Variants in SHC4 observed in about 807,000 individuals in gnomAD.
The protein encoded by SHC4 is SHC adaptor protein 4.
In SHC4, 41 loss-of-function variants were observed where a neutral mutation model predicts 69.4. That is an observed-to-expected ratio of 0.59 (90% CI 0.46 to 0.77). The LOEUF is 0.77. SHC4 is among the 30% of genes least tolerant of loss of function. The pLI is 0.00. For missense variants in SHC4, 777 were observed against 783.8 expected (o/e 0.99, Z 0.10); for synonymous variants, 318 against 299.3 (o/e 1.06, Z -0.64).
intron 9 of SHC4, 32 bp from the exon 10 acceptor site, chr15:48,843,620 G>A (rs1899033980): frequency 1.9e-5 from 29 of 1,564,172 alleles, no homozygotes; most frequent in Non-Finnish European, 2.3e-5. Flanking sequence ...AATACATTAT[G>A]TTTTTTCTTT....
chr15:48,872,062 A>G, intron 5 of SHC4, 27 bp downstream of exon 5: 1 of 1,477,782 alleles, frequency 6.8e-7, no homozygotes. Context: ...TAACTCATAA[A>G]AAGAACTTCT....
intron 9 of SHC4, among the ~76,000 whole-genome samples, chr15:48,846,153 C>T (rs897283712): frequency 6.6e-6 from 1 of 152,058 alleles, no homozygotes; most frequent in Admixed American, 6.6e-5. Context: ...TGTGAGCTAC[C>T]GGGCCTGGCT....
intron 3 of SHC4, among the ~76,000 whole-genome samples, chr15:48,885,220 G>A (rs1239930381): frequency 1.3e-5 from 2 of 152,138 alleles, no homozygotes; most frequent in South Asian, 2.1e-4. Context: ...TACCAACAGG[G>A]GGGCGAGAGG....
chr15:48,919,827 G>A (rs917497246), intron 2 of SHC4, among the ~76,000 whole-genome samples: 1 of 151,892 alleles, frequency 6.6e-6, no homozygotes, highest in Non-Finnish European at 1.5e-5. Context: ...AACACAATCA[G>A]CCATGCCTGA....
intron 1 of SHC4, among the ~76,000 whole-genome samples, chr15:48,933,559 C>T (rs1901011856): frequency 6.6e-6 from 1 of 152,118 alleles, no homozygotes; most frequent in African/African-American, 2.4e-5. Flanking sequence ...CTTCTTTGTA[C>T]AAATTGACAA....
chr15:48,898,067 G>T (rs1359611495), intron 2 of SHC4, among the ~76,000 whole-genome samples: 2 of 152,162 alleles, frequency 1.3e-5, no homozygotes, highest in Non-Finnish European at 2.9e-5. Context: ...AATTCAGACT[G>T]CACATCCATG....
intron 4 of SHC4, among the ~76,000 whole-genome samples, chr15:48,872,580 T>G (rs1309047480): frequency 6.6e-6 from 1 of 152,216 alleles, no homozygotes; most frequent in African/African-American, 2.4e-5. Context: ...AAATCGGAAC[T>G]GAGAACTAAA....
chr15:48,876,794 G>A (rs1186849332), intron 4 of SHC4: 6 of 394,026 alleles, frequency 1.5e-5, no homozygotes, highest in Admixed American at 1.2e-4. Context: ...TCTGCCTTTC[G>A]CAGCCCACTG....
At chr15:48,927,912 C>T (rs188412454) in intron 1 of SHC4, among the ~76,000 whole-genome samples, 169 of 152,250 alleles carry the variant, frequency 1.1e-3, no homozygotes, top group African/African-American at 3.8e-3. Flanking sequence ...CTTTCTATTC[C>T]CTTGGCTATA....
chr15:48,846,040 C>G (rs750832868), intron 9 of SHC4, among the ~76,000 whole-genome samples: 8 of 151,710 alleles, frequency 5.3e-5, no homozygotes, highest in Non-Finnish European at 1.0e-4. Flanking sequence ...ACCCTGTCAC[C>G]CAGGCTTAAG....
chr15:48,937,584 A>C (rs1280087103), intron 1 of SHC4, among the ~76,000 whole-genome samples: 1 of 25,548 alleles, frequency 3.9e-5, no homozygotes, highest in African/African-American at 1.2e-4. Context: ...ACACAGACAC[A>C]TAGATAGATA....
chr15:48,908,952 A>T (rs1900459386), intron 2 of SHC4, among the ~76,000 whole-genome samples: 1 of 152,046 alleles, frequency 6.6e-6, no homozygotes, highest in South Asian at 2.1e-4. Context: ...TGACTATGGC[A>T]CTATAGTATC....
intron 2 of SHC4, among the ~76,000 whole-genome samples, chr15:48,905,641 C>T (rs1011986574): frequency 6.6e-6 from 1 of 152,204 alleles, no homozygotes. Flanking sequence ...GGGAAGAAAT[C>T]ACTGGAGAAA....
At chr15:48,908,533 A>C (rs1488846167) in intron 2 of SHC4, among the ~76,000 whole-genome samples, 2 of 152,146 alleles carry the variant, frequency 1.3e-5, no homozygotes, top group African/African-American at 4.8e-5. Flanking sequence ...TCCTTTTGCC[A>C]TGCGAAAGCT....
chr15:48,956,950 TTTTCTTTCTTTC>T (rs200677120), intron 1 of SHC4, among the ~76,000 whole-genome samples: 1 of 68,794 alleles, frequency 1.5e-5, no homozygotes, highest in African/African-American at 5.5e-5. Flanking sequence ...CTTTTTTTCT[TTTTCTTTCTTTC>T]TTTCTTTCTT....
intron 8 of SHC4, 79 bp from the exon 9 acceptor site, chr15:48,851,327 C>T: frequency 7.2e-7 from 1 of 1,385,056 alleles, no homozygotes; most frequent in Non-Finnish European, 1.0e-6. Flanking sequence ...TTATAATAAT[C>T]CCAGAAGAAT....
chr15:48,904,615 C>T (rs1900374220), intron 2 of SHC4, among the ~76,000 whole-genome samples: 2 of 152,146 alleles, frequency 1.3e-5, no homozygotes, highest in South Asian at 2.1e-4. Flanking sequence ...CAGTGGCTCA[C>T]ACCTGTAATC....
rs559541744 is a variant in SHC4, at chr15:48,909,387, A to C, written c.656+15492T>G. Among the ~76,000 whole-genome samples, 135 of 152,076 alleles carry C rather than the reference A, an allele frequency of 8.9e-4. 2 individuals are homozygous for C. In the Middle Eastern group the frequency reaches 0.02, roughly 23 times the overall value. Reference sequence around the variant, plus strand: ...ATAGAAGACCTACTGATCTGTGAATACATTAATCTTGTATCCAGAAACTTT... The same window carrying C: ...ATAGAAGACCTACTGATCTGTGAATCCATTAATCTTGTATCCAGAAACTTT... On this transcript the variant is annotated intron_variant, in intron 2 of 11. Transcript: ENST00000332408.
intron 1 of SHC4, among the ~76,000 whole-genome samples, chr15:48,943,336 A>G (rs1223208301): frequency 6.6e-6 from 1 of 152,188 alleles, no homozygotes; most frequent in Non-Finnish European, 1.5e-5. Flanking sequence ...TTCCACATAT[A>G]AGTGAAATCA....
Sources: allele counts gnomAD v4.1 joint callset (sites outside exome capture counted in the v4.1 genomes callset), GRCh38; gene constraint gnomAD v4.1.1; transcripts MANE v1.5; gene names NCBI Gene and HGNC (gene_info 2026-07-23, HGNC 2026-07-21).